The following FHIT variants were observed in gnomAD, a reference collection of about 807,000 sequenced individuals.
FHIT encodes the protein bis(5'-adenosyl)-triphosphatase.
Under a neutral mutation model 17.9 loss-of-function variants are expected in FHIT, and 19 were observed. That is an observed-to-expected ratio of 1.06 (90% CI 0.74 to 1.56). FHIT has a LOEUF of 1.56. FHIT is among the 40% of genes most tolerant of loss of function. The probability of loss-of-function intolerance (pLI) is 0.00; values close to 1 mark genes in which losing one functional copy is unlikely to be tolerated. For missense variants in FHIT, 248 were observed against 189.2 expected (o/e 1.31, Z -1.82); for synonymous variants, 81 against 69.7 (o/e 1.16, Z -0.81).
intron 3 of FHIT, among the ~76,000 whole-genome samples, chr3:60,972,706 C>G (rs1314869618): frequency 6.6e-6 from 1 of 152,060 alleles, no homozygotes; most frequent in Non-Finnish European, 1.5e-5. Flanking sequence ...CTGACACAGA[C>G]CTTTACACTA....
chr3:60,229,458 G>C (rs956128222), intron 5 of FHIT, among the ~76,000 whole-genome samples: 1 of 150,930 alleles, frequency 6.6e-6, no homozygotes, highest in Non-Finnish European at 1.5e-5. Flanking sequence ...AGAAAAGAAA[G>C]AAAGAAAAGA....
At chr3:60,957,532 G>C (rs572740362) in intron 3 of FHIT, among the ~76,000 whole-genome samples, 51 of 147,208 alleles carry the variant, frequency 3.5e-4, no homozygotes, top group Non-Finnish European at 7.5e-4. Context: ...CCATGGCGCC[G>C]GGCCCATCTT....
intron 4 of FHIT, among the ~76,000 whole-genome samples, chr3:60,664,161 A>G (rs2040327059): frequency 2.0e-5 from 3 of 152,036 alleles, no homozygotes; most frequent in Non-Finnish European, 2.9e-5. Flanking sequence ...TAGATGTTGG[A>G]TTTTGTCAGA....
intron 8 of FHIT, among the ~76,000 whole-genome samples, chr3:59,870,355 A>G (rs547925812): frequency 2.3e-4 from 35 of 152,344 alleles, no homozygotes; most frequent in African/African-American, 7.9e-4. Context: ...TGCCCTGTAT[A>G]TAGAAAAGCT....
At chr3:60,117,263 G>C (rs969861834) in intron 5 of FHIT, among the ~76,000 whole-genome samples, 1 of 152,052 alleles carries the variant, frequency 6.6e-6, no homozygotes, top group Non-Finnish European at 1.5e-5. Context: ...TCTGTATTTG[G>C]AATGAAAGAA....
intron 4 of FHIT, among the ~76,000 whole-genome samples, chr3:60,622,388 T>C (rs1293228642): frequency 6.6e-6 from 1 of 152,160 alleles, no homozygotes; most frequent in Admixed American, 6.5e-5. Flanking sequence ...TAACACATTC[T>C]GGTGCTCAGT....
At chr3:60,704,106 C>G (rs556668557) in intron 4 of FHIT, among the ~76,000 whole-genome samples, 1 of 152,032 alleles carries the variant, frequency 6.6e-6, no homozygotes, top group Non-Finnish European at 1.5e-5. Flanking sequence ...AATCAGAAGA[C>G]GACAGTCTTC....
chr3:60,725,505 G>A (rs2041899724), intron 4 of FHIT, among the ~76,000 whole-genome samples: 1 of 152,018 alleles, frequency 6.6e-6, no homozygotes, highest in Non-Finnish European at 1.5e-5. Context: ...TTTTGTGTGT[G>A]GATATCCAGT....
intron 5 of FHIT, among the ~76,000 whole-genome samples, chr3:60,129,146 G>A (rs551093954): frequency 7.7e-5 from 11 of 141,992 alleles, no homozygotes; most frequent in African/African-American, 2.3e-4. Context: ...TCCGCCTCCC[G>A]GGTTCAAACA....
At chr3:60,545,146 A>T (rs369190937) in intron 4 of FHIT, among the ~76,000 whole-genome samples, 6 of 151,816 alleles carry the variant, frequency 4.0e-5, no homozygotes, top group African/African-American at 1.2e-4. Flanking sequence ...TCCTTTTCAC[A>T]TAATACTGGT....
At chr3:60,412,879 T>A (rs1702114216) in intron 5 of FHIT, among the ~76,000 whole-genome samples, 1 of 152,100 alleles carries the variant, frequency 6.6e-6, no homozygotes, top group South Asian at 2.1e-4. Context: ...ATCTGGTGGT[T>A]TTATAAGTGG....
chr3:59,767,987 ATAT>A (rs527575886), intron 8 of FHIT, among the ~76,000 whole-genome samples: 4 of 152,252 alleles, frequency 2.6e-5, no homozygotes, highest in African/African-American at 7.2e-5. Context: ...TAGAGGCACA[ATAT>A]TATTATCCCC....
chr3:60,244,979 A>G (rs1705319124), intron 5 of FHIT, among the ~76,000 whole-genome samples: 1 of 152,080 alleles, frequency 6.6e-6, no homozygotes. Context: ...TGCATTGACT[A>G]AAGTAATATG....
At chr3:61,087,188 A>G (rs2035332713) in intron 2 of FHIT, among the ~76,000 whole-genome samples, 2 of 152,132 alleles carry the variant, frequency 1.3e-5, no homozygotes, top group Non-Finnish European at 1.5e-5. Flanking sequence ...ACAATATTCT[A>G]TACATGAAAG....
chr3:60,355,182 G>A (rs949749194), intron 5 of FHIT, among the ~76,000 whole-genome samples: 3 of 152,014 alleles, frequency 2.0e-5, no homozygotes, highest in Non-Finnish European at 4.4e-5. Flanking sequence ...ACCTCCACTC[G>A]TCATGTAACA....
At chr3:60,852,275 G>A (rs1259683976) in intron 3 of FHIT, among the ~76,000 whole-genome samples, 1 of 152,064 alleles carries the variant, frequency 6.6e-6, no homozygotes, top group Non-Finnish European at 1.5e-5. Flanking sequence ...TCATTGGACA[G>A]AAACTACACC....
In FHIT at chr3:61,067,361, T is replaced by C. The variant is rs557225087; in HGVS notation, c.-163-25262A>G. Among the ~76,000 whole-genome samples the C allele has an allele frequency of 3.3e-5, 5 of 152,226 alleles. No individual in the cohort carries two copies. The South Asian group carries it at 1.0e-3, about 32-fold the overall frequency. The stretch of plus-strand genomic sequence containing the variant: ...TTAAAATCAGCAAAGTAAAAAGGTA[T>C]ATAGGAAAGAATCCAGGAGAAAACA... On this transcript the variant is annotated intron_variant, in intron 2 of 9. Transcript: ENST00000492590.
chr3:60,000,430 A>G (rs562768010), intron 7 of FHIT, among the ~76,000 whole-genome samples: 23 of 152,320 alleles, frequency 1.5e-4, no homozygotes, highest in African/African-American at 5.5e-4. Context: ...AGTCAGATAC[A>G]TAATTATGAC....
intron 5 of FHIT, among the ~76,000 whole-genome samples, chr3:60,340,728 G>C (rs1180982299): frequency 6.6e-6 from 1 of 151,992 alleles, no homozygotes; most frequent in East Asian, 1.9e-4. Context: ...CTTTTTTTGA[G>C]ACAGAGTCTC....
Sources: gnomAD v4.1 joint callset for allele counts (sites outside exome capture counted in the v4.1 genomes callset) on GRCh38, gnomAD v4.1.1 for gene constraint, MANE v1.5 for transcripts, NCBI Gene and HGNC (gene_info 2026-07-23, HGNC 2026-07-21) for gene names.